The following GALE variants were observed in gnomAD, a reference collection of about 807,000 sequenced individuals.
GALE encodes the protein UDP-glucose 4-epimerase.
GALE carries 32 observed loss-of-function variants against 44.1 expected under a neutral mutation model. The ratio of observed to expected loss-of-function variants is 0.73; its 90% confidence interval spans 0.55 to 0.97. The LOEUF is 0.97. Among genes scored for constraint, GALE ranks in the 50% least tolerant of loss-of-function variants. GALE has a pLI of 0.00. For synonymous variants in GALE, 182 were observed against 183.5 expected (o/e 0.99, Z 0.06); for missense variants, 423 against 455.6 (o/e 0.93, Z 0.65).
At position 23,795,989 on chromosome 1, in the gene GALE, C is replaced by T. The variant is rs1323790967; in HGVS notation, c.1007G>A (p.Trp336Ter). Reference sequence around the variant, plus strand: ...AAAGCCTGAAGGATTCTGCTTCTGCCAGCGCCAGAGATCCTCACCTGCAAC... The same window carrying T: ...AAAGCCTGAAGGATTCTGCTTCTGCTAGCGCCAGAGATCCTCACCTGCAAC... The part of the protein sequence containing the change: ...LDRMCEDLWR[W>*]QKQNPSGFGT... Residue 336 changes from tryptophan to a stop codon, truncating the protein, a stop_gained, in exon 12 of 12, where the codon TGG becomes TAG. Transcript: ENST00000617979. LOFTEE classifies it high-confidence loss of function. 3 of 1,613,938 alleles carry T rather than the reference C, an allele frequency of 1.9e-6. No homozygotes were observed. The highest frequency in any genetic ancestry group is 4.5e-5 in the East Asian group (2 of 44,898).
rs151234596 is a variant in GALE, at chr1:23,797,146, G to T, written c.530C>A (p.Thr177Asn). 1 of 1,604,052 alleles carries T rather than the reference G, an allele frequency of 6.2e-7. No homozygotes were observed. Residue 177 changes from threonine to asparagine, a missense_variant and splice_region_variant, in exon 7 of 12, where the codon ACT becomes AAT. Coordinates refer to ENST00000617979, the MANE Select transcript of GALE (RefSeq NM_001008216.2). ...MIRDLCQADK[T>N]WNAVLLRYFN... ...ATAGCGCAGCAGCACTGCGTTCCAAGTCTGTGGGATGTGGGTCAGGTGGTG... is the reference window on the plus strand; with the variant it reads ...ATAGCGCAGCAGCACTGCGTTCCAATTCTGTGGGATGTGGGTCAGGTGGTG...
chr1:23,800,353 C>A, intron 1 of GALE: 1 of 152,544 alleles, frequency 6.6e-6, no homozygotes, highest in South Asian at 2.0e-4. Flanking sequence ...GAAAGCTGGT[C>A]TGAGGCCGGC....
intron 2 of GALE, 117 bp from the exon 3 acceptor site, chr1:23,799,129 AC>A: frequency 7.2e-7 from 1 of 1,392,346 alleles, no homozygotes; most frequent in Non-Finnish European, 1.0e-6. Context: ...TGCCCTAGGT[AC>A]CAGACTGGCT....
At position 23,796,733 on chromosome 1, in the gene GALE, T is replaced by A. The variant is rs1269284124; in HGVS notation, c.759A>T (p.Ala253=). 1 of 1,612,934 alleles carries A rather than the reference T, an allele frequency of 6.2e-7. No homozygotes were observed. Among genetic ancestry groups the A allele is most frequent in the Non-Finnish European group, 8.5e-7 (1 of 1,179,508 alleles). ...ACTGTTCTTTCAGCTTCCTTAAGGC[T>A]GCAATGTGGCCCTTGGCCAGATCCA... is the stretch of plus-strand genomic sequence containing the variant. ...HVVDLAKGHI[A]ALRKLKEQCG... is the part of the protein sequence containing the mutation. Residue 253 remains alanine, a synonymous_variant, in exon 9 of 12, where the codon GCA becomes GCT. Coordinates refer to ENST00000617979, the MANE Select transcript of GALE (RefSeq NM_001008216.2). The surrounding 1 kb of genome is among the most constrained non-coding windows in gnomAD (Gnocchi z 5.2).
In GALE at chr1:23,798,544, G is replaced by T. The variant is rs755846766; in HGVS notation, c.237+71C>A. On this transcript the variant is annotated intron_variant, in intron 4 of 11. Coordinates refer to ENST00000617979, the MANE Select transcript of GALE (RefSeq NM_001008216.2). This position sits in a 1 kb window ranked among gnomAD's most constrained non-coding sequence, Gnocchi z 4.5. The stretch of plus-strand genomic sequence containing the variant: ...TGGTCTTGAACACCTGGGCTCAAGT[G>T]ATCTCCTCACCTCGGCCTTCCAAAG... 2 of 1,096,962 alleles carry T rather than the reference G, an allele frequency of 1.8e-6. No homozygotes were observed. The highest frequency in any genetic ancestry group is 1.5e-5 in the African/African-American group (1 of 65,076). The allele number at this position is 1,096,962 out of a possible 1,614,324, so 68.0% of individuals were successfully genotyped here.
rs776658054 is a variant in GALE, at chr1:23,795,935, G to T, written c.*14C>A. 6.2e-7 allele frequency: 1 copy of T among 1,612,542 alleles called. No homozygotes were observed. The highest frequency in any genetic ancestry group is 8.5e-7 in the Non-Finnish European group (1 of 1,179,122). ...CAGCTGCTGCTTTTCCTGGTCCTTG[G>T]TAGGGGAGGGTCCTCAGGCTTGCGT... On this transcript the variant is annotated 3_prime_UTR_variant, in exon 12 of 12. Coordinates refer to ENST00000617979, the MANE Select transcript of GALE (RefSeq NM_001008216.2).
In GALE at chr1:23,798,720, G is replaced by A. The variant is rs1216370491; in HGVS notation, c.132C>T (p.Ser44=). The A allele has an allele frequency of 1.1e-5, 18 of 1,613,678 alleles. No individual in the cohort carries two copies. The highest frequency in any genetic ancestry group is 1.4e-5 in the Non-Finnish European group (17 of 1,179,720). ...NFHNAFRGGG[S]LPESLRRVQE... Reference sequence around the variant, plus strand: ...GGACCCGCCGCAGGCTCTCAGGCAGGGAGCCCCCTCCTGGTAGGGTACATG... The same window carrying A: ...GGACCCGCCGCAGGCTCTCAGGCAGAGAGCCCCCTCCTGGTAGGGTACATG... Residue 44 remains serine (S), a synonymous_variant, in exon 4 of 12, where the codon TCC becomes TCT. Coordinates refer to ENST00000617979, the MANE Select transcript of GALE (RefSeq NM_001008216.2). The surrounding 1 kb of genome is among the most constrained non-coding windows in gnomAD (Gnocchi z 4.5).
chr1:23,797,680 C>G lies in GALE; in HGVS notation c.528+15G>C, dbSNP rs765436966. 3 of 1,613,330 alleles carry G rather than the reference C, an allele frequency of 1.9e-6. No homozygotes were observed. The highest frequency in any genetic ancestry group is 2.5e-6 in the Non-Finnish European group (3 of 1,179,466). ...TCGATCAGTGGAGCCAGGGCACTGT[C>G]AAGGGGGCCCTCACCTTGTCTGCCT... On this transcript the variant is annotated intron_variant, in intron 6 of 11. Coordinates refer to ENST00000617979, the MANE Select transcript of GALE (RefSeq NM_001008216.2).
In GALE at chr1:23,795,913, C is replaced by G; in HGVS notation, c.*36G>C. On this transcript the variant is annotated 3_prime_UTR_variant, in exon 12 of 12. Transcript: ENST00000617979. ...CTGCCAGAGGCTGGAGAGCAGGCAG[C>G]TGCTGCTTTTCCTGGTCCTTGGTAG... 6.2e-7 allele frequency: 1 copy of G among 1,601,358 alleles called. No homozygotes were observed. The highest frequency in any genetic ancestry group is 8.5e-7 in the Non-Finnish European group (1 of 1,169,932).
Position 23,800,001 on chromosome 1 carries a change from T to G in GALE, c.-76-565A>C, listed in dbSNP as rs1368453883. 2.0e-5 allele frequency: 3 copies of G among 152,180 alleles called. No homozygotes were observed. In the East Asian group the frequency reaches 5.8e-4, roughly 29 times the overall value. 9.4% of individuals were successfully genotyped at this position (152,180 alleles called of 1,614,324 possible). On this transcript the variant is annotated intron_variant, in intron 1 of 11. Transcript: ENST00000617979. Reference sequence around the variant, plus strand: ...CTGGGCTCACGCAGCTCCAACCCACTTGACCAAGAGCCCTCTGCGTGCCAG... The same window carrying G: ...CTGGGCTCACGCAGCTCCAACCCACGTGACCAAGAGCCCTCTGCGTGCCAG...
chr1:23,797,407 T>C (rs909430689), intron 6 of GALE, among the ~76,000 whole-genome samples: 52 of 152,002 alleles, frequency 3.4e-4, no homozygotes, highest in African/African-American at 1.3e-3. Flanking sequence ...TTAGTAGAGA[T>C]GGGGGTTTTA....
chr1:23,797,679 T>C lies in GALE; in HGVS notation c.528+16A>G, dbSNP rs1408158694. The stretch of plus-strand genomic sequence containing the variant: ...ATCGATCAGTGGAGCCAGGGCACTG[T>C]CAAGGGGGCCCTCACCTTGTCTGCC... On this transcript the variant is annotated intron_variant, in intron 6 of 11. Transcript: ENST00000617979. 1 of 1,613,304 alleles carries C rather than the reference T, an allele frequency of 6.2e-7. No homozygotes were observed. The highest frequency in any genetic ancestry group is 1.3e-5 in the African/African-American group (1 of 74,836).
rs371998400 is a variant in GALE at position 23,796,832 on chromosome 1, C to A, written c.709+44G>T. On this transcript the variant is annotated intron_variant, in intron 8 of 11. Transcript: ENST00000617979. This position sits in a 1 kb window ranked among gnomAD's most constrained non-coding sequence, Gnocchi z 5.2. ...TGGGGAGTCTGTTCCCCCTGACTCT[C>A]CTTCCTGGCTCCCACTCCTAGGTCC... 3 of 1,608,904 alleles carry A rather than the reference C, an allele frequency of 1.9e-6. No homozygotes were observed. Among genetic ancestry groups the A allele is most frequent in the Non-Finnish European group, 2.5e-6 (3 of 1,177,520 alleles).
Position 23,796,473 on chromosome 1 carries a change from T to C in GALE, c.873+36A>G. ...CTCTGTTGCTGAGAGCTGGGTGGGGTGAGGTGGGTGAGGTGGGTGGGGCGG... is the reference window on the plus strand; with the variant it reads ...CTCTGTTGCTGAGAGCTGGGTGGGGCGAGGTGGGTGAGGTGGGTGGGGCGG... On this transcript the variant is annotated intron_variant, in intron 10 of 11. Transcript: ENST00000617979. The surrounding 1 kb of genome is among the most constrained non-coding windows in gnomAD (Gnocchi z 5.2). 1 of 1,046,420 alleles carries C rather than the reference T, an allele frequency of 9.6e-7. No individual in the cohort carries two copies. Among genetic ancestry groups the C allele is most frequent in the South Asian group, 1.5e-5 (1 of 68,482 alleles). The allele number at this position is 1,046,420 out of a possible 1,614,324, so 64.8% of individuals were successfully genotyped here.
In GALE at chr1:23,796,360, G is replaced by A; in HGVS notation, c.874-95C>T. Reference sequence around the variant, plus strand: ...AAGCAGAAGTGCAGAGCAGCGGCTGGCCCGCAGGCACCGGGTGCTAGGCAG... The same window carrying A: ...AAGCAGAAGTGCAGAGCAGCGGCTGACCCGCAGGCACCGGGTGCTAGGCAG... On this transcript the variant is annotated intron_variant, in intron 10 of 11. Coordinates refer to ENST00000617979, the MANE Select transcript of GALE (RefSeq NM_001008216.2). This position sits in a 1 kb window ranked among gnomAD's most constrained non-coding sequence, Gnocchi z 5.2. The A allele has an allele frequency of 2.1e-6, 3 of 1,444,826 alleles. No homozygotes were observed. The Admixed American group carries it at 5.2e-5, about 25-fold the overall frequency. The allele number at this position is 1,444,826 out of a possible 1,614,324, so 89.5% of individuals were successfully genotyped here. A position where few individuals can be genotyped will look rare whatever the true frequency, so the allele number is the denominator to read the frequency against.
chr1:23,798,705 C>T lies in GALE; in HGVS notation c.147G>A (p.Leu49=), dbSNP rs1316716566. 18 of 1,613,940 alleles carry T rather than the reference C, an allele frequency of 1.1e-5. No homozygotes were observed. Among genetic ancestry groups the T allele is most frequent in the Non-Finnish European group, 1.5e-5 (18 of 1,179,936 alleles). ...FRGGGSLPES[L]RRVQELTGRS... ...GGCCTGTCAGCTCCTGGACCCGCCG[C>T]AGGCTCTCAGGCAGGGAGCCCCCTC... Residue 49 remains leucine, a synonymous_variant, in exon 4 of 12, where the codon CTG becomes CTA. Transcript: ENST00000617979. This position sits in a 1 kb window ranked among gnomAD's most constrained non-coding sequence, Gnocchi z 4.5.
In GALE at chr1:23,796,394, G is replaced by A; in HGVS notation, c.873+115C>T. The A allele has an allele frequency of 7.0e-7, 1 of 1,425,664 alleles. No homozygotes were observed. The highest frequency in any genetic ancestry group is 9.9e-7 in the Non-Finnish European group (1 of 1,014,226). The allele number at this position is 1,425,664 out of a possible 1,614,324, so 88.3% of individuals were successfully genotyped here. A position where few individuals can be genotyped will look rare whatever the true frequency, so the allele number is the denominator to read the frequency against. The stretch of plus-strand genomic sequence containing the variant: ...CACCGGGTGCTAGGCAGGCTGAGGA[G>A]ACTGGGCAGTGCCAGGTACCCTCCA... On this transcript the variant is annotated intron_variant, in intron 10 of 11. Coordinates refer to ENST00000617979, the MANE Select transcript of GALE (RefSeq NM_001008216.2). The surrounding 1 kb of genome is among the most constrained non-coding windows in gnomAD (Gnocchi z 5.2).
chr1:23,796,923 T>TC lies in GALE; in HGVS notation c.661dup (p.Glu221GlyfsTer9). 6.2e-7 allele frequency: 1 copy of TC among 1,613,660 alleles called. No individual in the cohort carries two copies. The highest frequency in any genetic ancestry group is 8.5e-7 in the Non-Finnish European group (1 of 1,179,854). ...GTCATTGCCAAAGACATTCAGGGCC[T>TC]CCCGTCGCCCGATCGCCACCTGGAG... On this transcript the variant is annotated frameshift_variant, in exon 8 of 12. Transcript: ENST00000617979. LOFTEE classifies it high-confidence loss of function. The surrounding 1 kb of genome is among the most constrained non-coding windows in gnomAD (Gnocchi z 5.2).
chr1:23,795,638 G>A lies in GALE; in HGVS notation c.*311C>T. 1.9e-6 allele frequency: 1 copy of A among 515,628 alleles called. No homozygotes were observed. Among genetic ancestry groups the A allele is most frequent in the South Asian group, 2.4e-5 (1 of 41,942 alleles). 31.9% of individuals were successfully genotyped at this position (515,628 alleles called of 1,614,324 possible). A position where few individuals can be genotyped will look rare whatever the true frequency, so the allele number is the denominator to read the frequency against. ...ACTTGTTTTTATTTTTAAATACTTTGGAAAGCTCTTTCAGAGCAATATAAA... is the reference window on the plus strand; with the variant it reads ...ACTTGTTTTTATTTTTAAATACTTTAGAAAGCTCTTTCAGAGCAATATAAA... On this transcript the variant is annotated 3_prime_UTR_variant, in exon 12 of 12. Transcript: ENST00000617979.
Sources: gnomAD v4.1 joint callset for allele counts (sites outside exome capture counted in the v4.1 genomes callset) on GRCh38, gnomAD v4.1.1 for gene constraint, Gnocchi (gnomAD v3.1) non-coding constraint, MANE v1.5 for transcripts, NCBI Gene and HGNC (gene_info 2026-07-23, HGNC 2026-07-21) for gene names.